Variants in ADGRE5 observed in about 807,000 individuals in gnomAD.
The protein encoded by ADGRE5 is CD97 molecule.
ADGRE5 carries 72 observed loss-of-function variants against 100.3 expected under a neutral mutation model. That is an observed-to-expected ratio of 0.72 (90% CI 0.59 to 0.87). The LOEUF (loss-of-function observed/expected upper bound fraction) is 0.87. Ranked by LOEUF, ADGRE5 falls within the 40% of genes least tolerant of loss-of-function variation. ADGRE5 has a pLI of 0.00. For missense variants in ADGRE5, 959 were observed against 1,094.7 expected (o/e 0.88, Z 1.75); for synonymous variants, 439 against 447.8 (o/e 0.98, Z 0.25).
rs760975172 is a variant in ADGRE5, at chr19:14,396,460, G to T, written c.465G>T (p.Pro155=). 6.2e-7 allele frequency: 1 copy of T among 1,614,280 alleles called. No individual in the cohort carries two copies. The highest frequency in any genetic ancestry group is 8.5e-7 in the Non-Finnish European group (1 of 1,180,030). The change falls in exon 5 of 20, where the codon CCG becomes CCT. Residue 155 remains proline, a synonymous_variant. Transcript: ENST00000242786. ...GCTTCAAGTTCATACCTGAGGATCCGAAGGTCTGCACAGGTAGAGGCCCCA... is the reference window on the plus strand; with the variant it reads ...GCTTCAAGTTCATACCTGAGGATCCTAAGGTCTGCACAGGTAGAGGCCCCA... ...LPGFKFIPED[P]KVCTDVNECT...
In ADGRE5 at chr19:14,401,039, G is replaced by A. The variant is rs143592124; in HGVS notation, c.898-347G>A. On this transcript the variant is annotated intron_variant, in intron 9 of 19. Transcript: ENST00000242786. The surrounding 1 kb of genome is among the most constrained non-coding windows in gnomAD (Gnocchi z 4.1). The stretch of plus-strand genomic sequence containing the variant: ...CTCAGAAAGCTGAGGTGGGAGGATC[G>A]CTTGAGTCTGGGAGGTGGAGGTTGC... Among the ~76,000 whole-genome samples the A allele has an allele frequency of 8.8e-3, 1,335 of 152,060 alleles. 23 individuals carry two copies. The highest frequency in any genetic ancestry group is 0.03 in the African/African-American group (1,238 of 41,478).
chr19:14,406,056 G>A lies in ADGRE5; in HGVS notation c.1821+117G>A, dbSNP rs1030687103. Reference sequence around the variant, plus strand: ...GCGGGCCCTGGAGGCATGAGGCCCCGCCCCTGTCCGGGATCTGGCCCCGCC... The same window carrying A: ...GCGGGCCCTGGAGGCATGAGGCCCCACCCCTGTCCGGGATCTGGCCCCGCC... On this transcript the variant is annotated intron_variant, in intron 14 of 19. Transcript: ENST00000242786. The surrounding 1 kb of genome is among the most constrained non-coding windows in gnomAD (Gnocchi z 6.0). 84 of 910,832 alleles carry A rather than the reference G, an allele frequency of 9.2e-5. No individual in the cohort carries two copies. Among genetic ancestry groups the A allele is most frequent in the Non-Finnish European group, 7.4e-5 (46 of 619,736 alleles). 56.4% of individuals were successfully genotyped at this position (910,832 alleles called of 1,614,324 possible).
chr19:14,386,558 G>A (rs1975359792), intron 1 of ADGRE5: 1 of 151,306 alleles, frequency 6.6e-6, no homozygotes, highest in Admixed American at 6.6e-5. Flanking sequence ...GCTGGGCGTG[G>A]TGGCGGGAGC....
At chr19:14,404,246 C>T in intron 12 of ADGRE5, 137 bp from the exon 13 acceptor site, 1 of 771,308 alleles carries the variant, frequency 1.3e-6, no homozygotes, top group South Asian at 1.8e-5. Flanking sequence ...ACTGCTGTGT[C>T]TCCAAACCTG....
chr19:14,392,683 AT>A (rs1367967154), intron 4 of ADGRE5, among the ~76,000 whole-genome samples: 2 of 151,864 alleles, frequency 1.3e-5, no homozygotes, highest in Non-Finnish European at 2.9e-5. Context: ...CAGGTGGATC[AT>A]CTGAGGTCAG....
intron 4 of ADGRE5, among the ~76,000 whole-genome samples, chr19:14,393,222 T>C (rs1360912791): frequency 6.6e-6 from 1 of 150,660 alleles, no homozygotes; most frequent in Non-Finnish European, 1.5e-5. Context: ...AAAAATCACT[T>C]AAAAGCTCCT....
At chr19:14,393,813 C>T (rs966639807) in intron 4 of ADGRE5, among the ~76,000 whole-genome samples, 2 of 152,146 alleles carry the variant, frequency 1.3e-5, no homozygotes, top group African/African-American at 2.4e-5. Context: ...GGCCCCCTTG[C>T]AAGTGGACAT....
chr19:14,408,148 A>G lies in ADGRE5; in HGVS notation c.*27A>G, dbSNP rs372890121. 3 of 1,611,620 alleles carry G rather than the reference A, an allele frequency of 1.9e-6. No homozygotes were observed. The highest frequency in any genetic ancestry group is 2.5e-6 in the Non-Finnish European group (3 of 1,179,468). On this transcript the variant is annotated 3_prime_UTR_variant, in exon 20 of 20. Transcript: ENST00000242786. ...GGCGCATGGTTCTGGACGGCCCAGC[A>G]GCTCCTGTGGCCACAGCAGCTTTGT... is the stretch of plus-strand genomic sequence containing the variant.
At chr19:14,382,080 G>A (rs1568304608) in intron 1 of ADGRE5, among the ~76,000 whole-genome samples, 1 of 152,152 alleles carries the variant, frequency 6.6e-6, no homozygotes, top group African/African-American at 2.4e-5. Flanking sequence ...GACTTTGCCT[G>A]GTTCTGGGTT....
chr19:14,389,736 C>CAA (rs770658799), intron 3 of ADGRE5, among the ~76,000 whole-genome samples: 3 of 123,132 alleles, frequency 2.4e-5, no homozygotes, highest in African/African-American at 6.0e-5. Flanking sequence ...GACTTTGTCT[C>CAA]AAAAAAAAAA....
At chr19:14,404,983 A>AG (rs1401096717) in intron 13 of ADGRE5, 1 of 187,390 alleles carries the variant, frequency 5.3e-6, no homozygotes, top group Non-Finnish European at 1.1e-5. Context: ...AGCCGAGATT[A>AG]CAGGCGTGCA....
chr19:14,400,983 G>A (rs1975985287), intron 9 of ADGRE5, among the ~76,000 whole-genome samples: 2 of 152,066 alleles, frequency 1.3e-5, no homozygotes, highest in Non-Finnish European at 2.9e-5. Context: ...AATTAGCCGG[G>A]TGTGGTGGCA....
Position 14,408,088 on chromosome 19 carries a change from C to T in ADGRE5, c.2479-4C>T. On this transcript the variant is annotated splice_polypyrimidine_tract_variant and splice_region_variant and intron_variant, in intron 19 of 19. Transcript: ENST00000242786. ...GGCTCAGGCCTCTGGGCTCTCCTCT[C>T]CAGGCCCTCAGGGCATCAGAGTCCG... 1.2e-6 allele frequency: 2 copies of T among 1,613,948 alleles called. No individual in the cohort carries two copies. The highest frequency in any genetic ancestry group is 1.7e-6 in the Non-Finnish European group (2 of 1,180,020).
At chr19:14,399,535 G>A (rs1222078039) in intron 9 of ADGRE5, among the ~76,000 whole-genome samples, 1 of 123,890 alleles carries the variant, frequency 8.1e-6, no homozygotes, top group African/African-American at 3.1e-5. Flanking sequence ...CTGCACTCCA[G>A]CCTGGGCGAC....
rs763494177 is a variant in ADGRE5 at position 14,407,947 on chromosome 19, G to A, written c.2416G>A (p.Gly806Arg). The change falls in exon 19 of 20, where the codon GGG becomes AGG. Residue 806 changes from glycine (G) to arginine (R), a missense_variant. Physicochemically the swap from Gly to Arg is moderately radical, Grantham distance 125. This residue lies in a region of ADGRE5 where 428 missense variants were observed against 386.2 expected (regional missense o/e 1.11). Transcript: ENST00000242786. ...EYRKWACLVA[G>R]GSKYSEFTST... ...CCGGAAGTGGGCCTGCCTAGTTGCT[G>A]GGGGGAGCAAGTACTCAGAATTCAC... The A allele has an allele frequency of 2.0e-5, 33 of 1,613,930 alleles. No individual in the cohort carries two copies. The African/African-American group carries it at 3.1e-4, about 15-fold the overall frequency.
rs550422314 is a variant in ADGRE5, at chr19:14,401,910, C to T, written c.1183+150C>T. ...TTTTGGGAGGCCCAGGTGGGTAGAT[C>T]GCTTGAGCTCAGAAGTTCAAGACCA... On this transcript the variant is annotated intron_variant, in intron 11 of 19. Coordinates refer to ENST00000242786, the MANE Select transcript of ADGRE5 (RefSeq NM_078481.4). This position sits in a 1 kb window ranked among gnomAD's most constrained non-coding sequence, Gnocchi z 4.1. 5.6e-4 allele frequency: 283 copies of T among 506,752 alleles called. No individual in the cohort carries two copies. The highest frequency in any genetic ancestry group is 8.3e-4 in the African/African-American group (42 of 50,582). The allele number at this position is 506,752 out of a possible 1,614,324, so 31.4% of individuals were successfully genotyped here.
intron 4 of ADGRE5, among the ~76,000 whole-genome samples, chr19:14,394,471 C>A (rs966600321): frequency 1.3e-5 from 2 of 152,134 alleles, no homozygotes; most frequent in African/African-American, 4.8e-5. Context: ...CCTGATCACC[C>A]GTCTTTGTCC....
intron 9 of ADGRE5, among the ~76,000 whole-genome samples, chr19:14,400,649 G>A (rs547346442): frequency 1.8e-4 from 27 of 152,006 alleles, no homozygotes; most frequent in East Asian, 9.7e-4. Context: ...AAAATTAGCC[G>A]GGCATGGTGG....
Position 14,406,711 on chromosome 19 carries a change from A to T in ADGRE5, c.2060A>T (p.Asp687Val). 1 of 1,613,854 alleles carries T rather than the reference A, an allele frequency of 6.2e-7. No homozygotes were observed. Among genetic ancestry groups the T allele is most frequent in the Non-Finnish European group, 8.5e-7 (1 of 1,179,934 alleles). ...GYGRPRYCWLDFEQGFLWSFL... is the reference protein window; with the variant it reads ...GYGRPRYCWLVFEQGFLWSFL... ...CCCTTCCCTCCTAGCTGCTGGTTGG[A>T]CTTTGAGCAGGGCTTCCTCTGGAGC... Residue 687 changes from aspartate (D) to valine (V), a missense_variant, in exon 16 of 20, where the codon GAC becomes GTC. Physicochemically the swap from Asp to Val is radical, Grantham distance 152. This residue lies in a region of ADGRE5 where 428 missense variants were observed against 386.2 expected (regional missense o/e 1.11). Coordinates refer to ENST00000242786, the MANE Select transcript of ADGRE5 (RefSeq NM_078481.4). This position sits in a 1 kb window ranked among gnomAD's most constrained non-coding sequence, Gnocchi z 6.0.
Sources: allele counts gnomAD v4.1 joint callset (sites outside exome capture counted in the v4.1 genomes callset), GRCh38; gene constraint gnomAD v4.1.1; regional missense constraint gnomAD v4.1.1; non-coding constraint Gnocchi (gnomAD v3.1); transcripts MANE v1.5; gene names NCBI Gene and HGNC (gene_info 2026-07-23, HGNC 2026-07-21).